The following SOS2 variants were observed in gnomAD, a reference collection of about 807,000 sequenced individuals.
The protein encoded by SOS2 is SOS Ras/Rho guanine nucleotide exchange factor 2.
Under a neutral mutation model 148.2 loss-of-function variants are expected in SOS2, and 65 were observed. The ratio of observed to expected loss-of-function variants is 0.44; its 90% CI spans 0.36 to 0.54. The LOEUF (loss-of-function observed/expected upper bound fraction) is 0.54, where lower values mean the gene tolerates loss of function less well. Ranked by LOEUF, SOS2 falls within the 20% of genes least tolerant of loss-of-function variation. The pLI is 0.00. For missense variants in SOS2, 1,341 were observed against 1,590.2 expected, an observed-to-expected ratio of 0.84 and a Z score of 2.67; for synonymous variants, 539 against 537.1, an observed-to-expected ratio of 1.00 and a Z score of -0.05.
chr14:50,146,151 A>G (rs1884463457), intron 14 of SOS2, among the ~76,000 whole-genome samples: 1 of 151,890 alleles, frequency 6.6e-6, no homozygotes, highest in Non-Finnish European at 1.5e-5. Context: ...AAAAAAAAAA[A>G]AAAAGAAACG....
chr14:50,142,532 G>C (rs1370430774), intron 16 of SOS2, among the ~76,000 whole-genome samples: 1 of 152,096 alleles, frequency 6.6e-6, no homozygotes, highest in Non-Finnish European at 1.5e-5. Context: ...TAGAGGTTTG[G>C]GGTTTGCTCT....
At chr14:50,129,891 C>G (rs1178999450) in intron 21 of SOS2, 70 bp downstream of exon 21, 35 of 945,804 alleles carry the variant, frequency 3.7e-5, no homozygotes, top group Admixed American at 2.8e-4. Context: ...ACTCAAAATA[C>G]TCAAATATAA....
intron 8 of SOS2, among the ~76,000 whole-genome samples, chr14:50,171,982 C>G (rs967211480): frequency 2.0e-5 from 3 of 150,284 alleles, no homozygotes; most frequent in Admixed American, 6.6e-5. Flanking sequence ...AGTATATATT[C>G]AAGGGTGGAA....
At chr14:50,121,397 A>C (rs1883502277) in intron 21 of SOS2, among the ~76,000 whole-genome samples, 1 of 152,238 alleles carries the variant, frequency 6.6e-6, no homozygotes, top group Admixed American at 6.5e-5. Flanking sequence ...TAACTGGGAA[A>C]GAAGTTGATA....
At chr14:50,224,671 G>C (rs949910568) in intron 1 of SOS2, among the ~76,000 whole-genome samples, 18 of 152,000 alleles carry the variant, frequency 1.2e-4, no homozygotes, top group Non-Finnish European at 2.5e-4. Flanking sequence ...GATCACTTGA[G>C]TCCAGGAATT....
chr14:50,218,908 A>G (rs1887116954), intron 1 of SOS2, among the ~76,000 whole-genome samples: 1 of 152,124 alleles, frequency 6.6e-6, no homozygotes, highest in Non-Finnish European at 1.5e-5. Context: ...AGGTCAAGAG[A>G]TCGAGACCAT....
chr14:50,159,059 G>A (rs539158128), intron 10 of SOS2, among the ~76,000 whole-genome samples: 14 of 152,012 alleles, frequency 9.2e-5, no homozygotes, highest in South Asian at 4.2e-4. Context: ...GCATTGTTGC[G>A]GGCGCCTATA....
chr14:50,213,414 T>C (rs920637474), intron 1 of SOS2, among the ~76,000 whole-genome samples: 2 of 152,162 alleles, frequency 1.3e-5, no homozygotes, highest in Non-Finnish European at 2.9e-5. Flanking sequence ...ATAGCATTTA[T>C]AGGCCGGGTG....
At chr14:50,226,577 T>C (rs1887384720) in intron 1 of SOS2, among the ~76,000 whole-genome samples, 1 of 152,212 alleles carries the variant, frequency 6.6e-6, no homozygotes, top group African/African-American at 2.4e-5. Flanking sequence ...TCTTGCCTTT[T>C]AGATATCTAA....
chr14:50,228,259 G>C (rs1887440187), intron 1 of SOS2, among the ~76,000 whole-genome samples: 1 of 151,838 alleles, frequency 6.6e-6, no homozygotes, highest in African/African-American at 2.4e-5. Flanking sequence ...GGCCAGGCTG[G>C]TCACGAACTC....
intron 21 of SOS2, among the ~76,000 whole-genome samples, chr14:50,128,544 T>A (rs1042688020): frequency 6.6e-6 from 1 of 152,132 alleles, no homozygotes; most frequent in Admixed American, 6.5e-5. Context: ...TGTGGTTAAG[T>A]ATAGGCAGGG....
intron 4 of SOS2, among the ~76,000 whole-genome samples, chr14:50,193,198 CTTTG>C (rs756933884): frequency 1.4e-4 from 22 of 151,912 alleles, no homozygotes; most frequent in East Asian, 9.7e-4. Flanking sequence ...ACCTTTCTTT[CTTTG>C]TTTCTTTTTT....
intron 21 of SOS2, among the ~76,000 whole-genome samples, chr14:50,128,544 T>C (rs1042688020): frequency 6.6e-6 from 1 of 152,132 alleles, no homozygotes; most frequent in Non-Finnish European, 1.5e-5. Context: ...TGTGGTTAAG[T>C]ATAGGCAGGG....
chr14:50,224,659 AG>A (rs1887310400), intron 1 of SOS2, among the ~76,000 whole-genome samples: 1 of 152,114 alleles, frequency 6.6e-6, no homozygotes, highest in Non-Finnish European at 1.5e-5. Flanking sequence ...CCAAGGCTGG[AG>A]GATCACTTGA....
chr14:50,125,612 C>G (rs201246397), intron 21 of SOS2, among the ~76,000 whole-genome samples: 2 of 83,752 alleles, frequency 2.4e-5, no homozygotes, highest in Admixed American at 1.3e-4. Context: ...TGAAACCCTA[C>G]AGAGAGTAAT....
chr14:50,142,024 T>C (rs80190224), intron 16 of SOS2, among the ~76,000 whole-genome samples: 1 of 145,526 alleles, frequency 6.9e-6, no homozygotes, highest in Non-Finnish European at 1.5e-5. Flanking sequence ...TTTTTTTTTT[T>C]TGAGATGGAA....
At chr14:50,150,568 T>C (rs1884627976) in intron 13 of SOS2, among the ~76,000 whole-genome samples, 1 of 150,702 alleles carries the variant, frequency 6.6e-6, no homozygotes, top group Non-Finnish European at 1.5e-5. Context: ...ATTTTCCTTT[T>C]TTTTTTTTTT....
chr14:50,180,467 G>A, intron 7 of SOS2, 105 bp downstream of exon 7: 1 of 600,768 alleles, frequency 1.7e-6, no homozygotes, highest in Non-Finnish European at 2.8e-6. Flanking sequence ...AGATTTGAAG[G>A]ATTACGAGGA....
chr14:50,156,833 CTT>C (rs1884835900), intron 12 of SOS2, 164 bp downstream of exon 12: 1 of 362,494 alleles, frequency 2.8e-6, no homozygotes, highest in Non-Finnish European at 4.9e-6. Flanking sequence ...AGAAAGAACT[CTT>C]TTAGTTTAAC....
Sources: allele counts gnomAD v4.1 joint callset (sites outside exome capture counted in the v4.1 genomes callset), GRCh38; gene constraint gnomAD v4.1.1; transcripts MANE v1.5; gene names NCBI Gene and HGNC (gene_info 2026-07-23, HGNC 2026-07-21).